Variants in NAV2 observed in about 807,000 individuals in gnomAD.
The protein encoded by NAV2 is neuron navigator 2.
In NAV2, 54 loss-of-function variants were observed where a neutral mutation model predicts 223.2. The observed-to-expected ratio is 0.24, with a 90% CI of 0.19 to 0.30. The LOEUF (loss-of-function observed/expected upper bound fraction) is 0.30, where lower values mean the gene tolerates loss of function less well. NAV2 is among the 10% of genes least tolerant of loss of function. The pLI is 1.00. For missense variants in NAV2, 2,806 were observed against 3,147.5 expected, an observed-to-expected ratio of 0.89 and a Z score of 2.60; for synonymous variants, 1,279 against 1,239.3, an observed-to-expected ratio of 1.03 and a Z score of -0.67.
chr11:19,912,014 C>CA (rs1264394105), intron 6 of NAV2, among the ~76,000 whole-genome samples: 2 of 152,128 alleles, frequency 1.3e-5, no homozygotes, highest in Admixed American at 6.5e-5. Context: ...TTCTAACTGG[C>CA]AAAAATGATG....
At chr11:19,800,572 A>G (rs1298334000) in intron 1 of NAV2, among the ~76,000 whole-genome samples, 1 of 152,190 alleles carries the variant, frequency 6.6e-6, no homozygotes, top group African/African-American at 2.4e-5. Context: ...TTCTGAATGA[A>G]TCTTAAACCA....
Position 20,059,642 on chromosome 11 carries a change from A to C in NAV2, c.4832-2665A>C, listed in dbSNP as rs571174659. On this transcript the variant is annotated intron_variant, in intron 19 of 37. Transcript: ENST00000349880. ...AGTACAACAGATTACTCAAAGGCAGAGCGATCTCCGGACTTCTAGTCAGCA... is the reference window on the plus strand; with the variant it reads ...AGTACAACAGATTACTCAAAGGCAGCGCGATCTCCGGACTTCTAGTCAGCA... 5.9e-5 allele frequency among the ~76,000 whole-genome samples: 9 copies of C among 152,340 alleles called. 1 individual carries two copies. In the South Asian group the frequency reaches 1.9e-3, roughly 32 times the overall value.
chr11:19,813,550 A>G (rs2058944948), intron 1 of NAV2, among the ~76,000 whole-genome samples: 1 of 152,148 alleles, frequency 6.6e-6, no homozygotes, highest in South Asian at 2.1e-4. Flanking sequence ...GAATTGCAGC[A>G]GTTTGGAGTC....
At chr11:19,386,751 C>T (rs1849058172) in intron 1 of NAV2, among the ~76,000 whole-genome samples, 1 of 152,074 alleles carries the variant, frequency 6.6e-6, no homozygotes, top group Admixed American at 6.5e-5. Flanking sequence ...CAAACAAGCC[C>T]CTTATCTCTG....
intron 3 of NAV2, among the ~76,000 whole-genome samples, chr11:19,861,714 T>A (rs993751799): frequency 1.3e-5 from 2 of 152,240 alleles, no homozygotes; most frequent in Admixed American, 6.5e-5. Context: ...ATTCCCCTTT[T>A]GTGTTTGTGT....
chr11:19,412,317 C>A (rs1850179838), intron 1 of NAV2, among the ~76,000 whole-genome samples: 1 of 152,220 alleles, frequency 6.6e-6, no homozygotes, highest in Non-Finnish European at 1.5e-5. Flanking sequence ...GAAGTTCGAA[C>A]TGGGTGGAGC....
chr11:19,589,410 A>T (rs1349451695), intron 1 of NAV2, among the ~76,000 whole-genome samples: 1 of 152,184 alleles, frequency 6.6e-6, no homozygotes, highest in African/African-American at 2.4e-5. Flanking sequence ...CTGTGCTGTG[A>T]TGTGGAGAGT....
intron 1 of NAV2, among the ~76,000 whole-genome samples, chr11:19,612,103 C>A (rs1329662569): frequency 6.6e-6 from 1 of 152,220 alleles, no homozygotes; most frequent in East Asian, 1.9e-4. Context: ...GAGCTTCCAC[C>A]CTCTGAAGCC....
At chr11:19,540,820 G>C (rs1590457026) in intron 1 of NAV2, among the ~76,000 whole-genome samples, 1 of 152,178 alleles carries the variant, frequency 6.6e-6, no homozygotes, top group Non-Finnish European at 1.5e-5. Flanking sequence ...CACAAGGTGG[G>C]AGGCAAGGTT....
intron 2 of NAV2, among the ~76,000 whole-genome samples, chr11:19,833,898 C>G (rs923478110): frequency 2.0e-5 from 3 of 152,234 alleles, no homozygotes; most frequent in Non-Finnish European, 4.4e-5. Context: ...CTCTCAGCTC[C>G]TTGCCACATG....
chr11:20,049,279 A>C, intron 15 of NAV2, 84 bp downstream of exon 15: 1 of 1,033,192 alleles, frequency 9.7e-7, no homozygotes, highest in Admixed American at 2.4e-5. Flanking sequence ...CCAAATGTCG[A>C]ATAGCCTTTG....
chr11:20,060,698 A>C (rs939929279), intron 19 of NAV2, among the ~76,000 whole-genome samples: 1 of 152,232 alleles, frequency 6.6e-6, no homozygotes, highest in Middle Eastern at 3.2e-3. Flanking sequence ...GGTCCCATAG[A>C]GAAGATGTCA....
At chr11:20,038,142 G>A (rs2056577420) in intron 12 of NAV2, among the ~76,000 whole-genome samples, 1 of 152,194 alleles carries the variant, frequency 6.6e-6, no homozygotes. Context: ...GTTCCACATT[G>A]ATAAACAACT....
intron 1 of NAV2, among the ~76,000 whole-genome samples, chr11:19,366,068 T>C (rs925728925): frequency 6.6e-6 from 1 of 152,184 alleles, no homozygotes; most frequent in Non-Finnish European, 1.5e-5. Context: ...GAGATGTCAG[T>C]AACCCAAATT....
chr11:20,068,829 G>A (rs1230109348), intron 22 of NAV2, among the ~76,000 whole-genome samples: 1 of 152,162 alleles, frequency 6.6e-6, no homozygotes, highest in Non-Finnish European at 1.5e-5. Flanking sequence ...TGATATACAC[G>A]ATTATGAGTT....
chr11:19,846,865 G>C (rs1291578993), intron 3 of NAV2, among the ~76,000 whole-genome samples: 2 of 152,160 alleles, frequency 1.3e-5, no homozygotes, highest in African/African-American at 4.8e-5. Context: ...GCCCAGCCTT[G>C]GCTTGTTTTT....
chr11:19,710,311 T>C (rs974782438), upstream of NAV2, among the ~76,000 whole-genome samples: 2 of 152,210 alleles, frequency 1.3e-5, no homozygotes, highest in Non-Finnish European at 2.9e-5. Context: ...AGCATGTGCA[T>C]GACATGAGAA....
At chr11:19,455,120 T>C (rs967381288) in intron 1 of NAV2, among the ~76,000 whole-genome samples, 2 of 152,166 alleles carry the variant, frequency 1.3e-5, no homozygotes, top group African/African-American at 4.8e-5. Flanking sequence ...AGAGTGACTT[T>C]AGAAGACTCA....
At chr11:19,622,209 G>A (rs2047019467) in intron 1 of NAV2, among the ~76,000 whole-genome samples, 1 of 152,226 alleles carries the variant, frequency 6.6e-6, no homozygotes, top group African/African-American at 2.4e-5. Context: ...GTGTGATGTG[G>A]TGCTGAGAAG....
Sources: gnomAD v4.1 joint callset for allele counts (sites outside exome capture counted in the v4.1 genomes callset) on GRCh38, gnomAD v4.1.1 for gene constraint, MANE v1.5 for transcripts, NCBI Gene and HGNC (gene_info 2026-07-23, HGNC 2026-07-21) for gene names.